TBC1D22A: variants seen among roughly 807,000 people sequenced by gnomAD.
TBC1D22A encodes the protein putative GTPase activator.
TBC1D22A carries 38 observed loss-of-function variants against 60.2 expected under a neutral mutation model. The observed-to-expected ratio is 0.63, with a 90% confidence interval of 0.49 to 0.83. The LOEUF is 0.83. Among genes scored for constraint, TBC1D22A ranks in the 40% least tolerant of loss-of-function variants. TBC1D22A has a pLI of 0.00. For missense variants in TBC1D22A, 628 were observed against 701.0 expected (o/e 0.90, Z 1.18); for synonymous variants, 302 against 281.7 (o/e 1.07, Z -0.72).
rs147194251 is a variant in TBC1D22A, at chr22:46,966,692, A to G, written c.1016-7598A>G. ...GGTTTCTTTCACTTTTTACCGCAGT[A>G]TCTATCCCACAGTTGATATTTTCCC... On this transcript the variant is annotated intron_variant, in intron 8 of 12. Transcript: ENST00000337137. 7.9e-5 allele frequency among the ~76,000 whole-genome samples: 12 copies of G among 152,346 alleles called. No homozygotes were observed. In the East Asian group the frequency reaches 9.6e-4, roughly 12 times the overall value.
At chr22:46,989,664 G>A (rs535106328) in intron 9 of TBC1D22A, among the ~76,000 whole-genome samples, 1 of 151,854 alleles carries the variant, frequency 6.6e-6, no homozygotes, top group East Asian at 1.9e-4. Flanking sequence ...AAACAATTAT[G>A]ATAGTAACAT....
intron 8 of TBC1D22A, among the ~76,000 whole-genome samples, chr22:46,956,457 G>C (rs2073196271): frequency 6.6e-6 from 1 of 152,190 alleles, no homozygotes; most frequent in Non-Finnish European, 1.5e-5. Context: ...AAGCTTTTCT[G>C]TATTCTCCAA....
chr22:46,954,333 T>C (rs553676151), intron 8 of TBC1D22A, among the ~76,000 whole-genome samples: 1 of 152,378 alleles, frequency 6.6e-6, no homozygotes, highest in African/African-American at 2.4e-5. Flanking sequence ...ACGTGATGCG[T>C]GTATGTGAGT....
intron 10 of TBC1D22A, among the ~76,000 whole-genome samples, chr22:47,035,278 T>C (rs1164595527): frequency 6.6e-6 from 1 of 152,120 alleles, no homozygotes; most frequent in Non-Finnish European, 1.5e-5. Context: ...GAGCCCTTAG[T>C]GCTCAAGTTT....
chr22:46,896,873 G>A (rs2068707734), intron 7 of TBC1D22A, among the ~76,000 whole-genome samples: 1 of 151,958 alleles, frequency 6.6e-6, no homozygotes, highest in African/African-American at 2.4e-5. Flanking sequence ...TGTTTTTTGG[G>A]TCTGTTTGGT....
At chr22:46,822,646 T>G (rs544616737) in intron 4 of TBC1D22A, among the ~76,000 whole-genome samples, 1 of 152,270 alleles carries the variant, frequency 6.6e-6, no homozygotes, top group Non-Finnish European at 1.5e-5. Context: ...GACCTTTAGG[T>G]GCACCAACCT....
chr22:46,962,586 T>C (rs2073566357), intron 8 of TBC1D22A, among the ~76,000 whole-genome samples: 1 of 152,262 alleles, frequency 6.6e-6, no homozygotes, highest in Non-Finnish European at 1.5e-5. Context: ...AACAGTAAGA[T>C]GTTTGAAACG....
chr22:46,985,781 T>G (rs1401608811), intron 9 of TBC1D22A, among the ~76,000 whole-genome samples: 2 of 152,224 alleles, frequency 1.3e-5, no homozygotes, highest in Non-Finnish European at 2.9e-5. Context: ...CAGAATGCGA[T>G]TTCTCCAACA....
intron 11 of TBC1D22A, among the ~76,000 whole-genome samples, chr22:47,091,720 A>T (rs2064985172): frequency 6.6e-6 from 1 of 152,154 alleles, no homozygotes. Context: ...TGGGTCTCAG[A>T]GGTCCTGAGA....
chr22:47,147,460 AGGGCTCCCCAGGGGGCTGC>A (rs2067325861), intron 12 of TBC1D22A, among the ~76,000 whole-genome samples: 1 of 152,046 alleles, frequency 6.6e-6, no homozygotes, highest in Non-Finnish European at 1.5e-5. Flanking sequence ...GGTCTGTCGG[AGGGCTCCCCAGGGGGCTGC>A]GGTCCTCCAA....
chr22:46,908,066 C>T (rs74384996), intron 7 of TBC1D22A, among the ~76,000 whole-genome samples: 2,425 of 152,286 alleles, frequency 0.016, 61 homozygotes, highest in African/African-American at 0.055. Context: ...TGCATTGTCT[C>T]GTCAGGGTCT....
chr22:46,945,360 A>G (rs1214106359), intron 8 of TBC1D22A, among the ~76,000 whole-genome samples: 5 of 152,224 alleles, frequency 3.3e-5, no homozygotes, highest in Non-Finnish European at 4.4e-5. Context: ...GTTGTGGTGG[A>G]GGCGGCAGCT....
intron 7 of TBC1D22A, among the ~76,000 whole-genome samples, chr22:46,908,102 G>A (rs2069622450): frequency 6.6e-6 from 1 of 152,212 alleles, no homozygotes; most frequent in African/African-American, 2.4e-5. Context: ...GCCGGATGGT[G>A]TGACCTGACA....
intron 4 of TBC1D22A, among the ~76,000 whole-genome samples, chr22:46,865,677 CAG>C (rs1380675667): frequency 1.3e-5 from 2 of 152,252 alleles, no homozygotes; most frequent in Non-Finnish European, 2.9e-5. Context: ...GGCATGTCCA[CAG>C]GGGGTAATAA....
At chr22:46,784,547 G>A (rs1433630783) in intron 1 of TBC1D22A, among the ~76,000 whole-genome samples, 1 of 152,138 alleles carries the variant, frequency 6.6e-6, no homozygotes, top group Non-Finnish European at 1.5e-5. Context: ...AACTTTGTTG[G>A]AACATTTTTT....
chr22:47,130,373 T>C (rs2066638057), intron 12 of TBC1D22A, among the ~76,000 whole-genome samples: 1 of 152,068 alleles, frequency 6.6e-6, no homozygotes, highest in African/African-American at 2.4e-5. Flanking sequence ...TGCCTCACTG[T>C]CTTCCTTGTC....
intron 12 of TBC1D22A, among the ~76,000 whole-genome samples, chr22:47,143,421 G>T (rs569480224): frequency 6.6e-4 from 101 of 152,372 alleles, no homozygotes; most frequent in African/African-American, 2.4e-3. Context: ...GAATTAGGAA[G>T]TAGAAGCCCT....
At chr22:46,783,021 C>T (rs1260762053) in intron 1 of TBC1D22A, among the ~76,000 whole-genome samples, 1 of 152,302 alleles carries the variant, frequency 6.6e-6, no homozygotes, top group Admixed American at 6.5e-5. Flanking sequence ...CTTCTGAGGA[C>T]CTGCCAAACT....
intron 9 of TBC1D22A, among the ~76,000 whole-genome samples, chr22:46,974,983 C>T (rs1017622506): frequency 2.0e-5 from 3 of 152,188 alleles, no homozygotes; most frequent in African/African-American, 7.2e-5. Flanking sequence ...CACAGGTCTC[C>T]CAGTGACGGC....
Sources: allele counts gnomAD v4.1 joint callset (sites outside exome capture counted in the v4.1 genomes callset), GRCh38; gene constraint gnomAD v4.1.1; transcripts MANE v1.5; gene names NCBI Gene and HGNC (gene_info 2026-07-23, HGNC 2026-07-21).